Variants in ATP13A4 observed in about 807,000 individuals in gnomAD.
ATP13A4 encodes the protein probable cation-transporting ATPase 13A4.
ATP13A4 carries 114 observed loss-of-function variants against 142.5 expected under a neutral mutation model. The observed-to-expected ratio is 0.80, with a 90% CI of 0.69 to 0.93. ATP13A4 has a LOEUF of 0.93. Among genes scored for constraint, ATP13A4 ranks in the 40% least tolerant of loss-of-function variants. The pLI is 0.00. For synonymous variants in ATP13A4, 488 were observed against 514.8 expected, an observed-to-expected ratio of 0.95 and a Z score of 0.70; for missense variants, 1,392 against 1,454.0, an observed-to-expected ratio of 0.96 and a Z score of 0.69.
In ATP13A4 at chr3:193,500,289, C is replaced by A. The variant is rs367979102; in HGVS notation, c.381+2204G>T. Among the ~76,000 whole-genome samples the A allele has an allele frequency of 8.5e-5, 13 of 152,192 alleles. No individual in the cohort carries two copies. In the South Asian group the frequency reaches 2.5e-3, roughly 29 times the overall value. On this transcript the variant is annotated intron_variant, in intron 3 of 29. Coordinates refer to ENST00000342695, the MANE Select transcript of ATP13A4 (RefSeq NM_032279.4). ...TTCTTGTTAGAACATGTTATAAGAG[C>A]ATCCTGTTTAACAAGTTAAGCACTG...
chr3:193,537,974 G>A (rs899224743), intron 1 of ATP13A4, among the ~76,000 whole-genome samples: 2 of 152,158 alleles, frequency 1.3e-5, no homozygotes, highest in Non-Finnish European at 2.9e-5. Flanking sequence ...GGAAAGAGAT[G>A]TAGCTATAAA....
At chr3:193,579,387 G>T in intron 2 of ATP13A4, 1 of 217,530 alleles carries the variant, frequency 4.6e-6, no homozygotes, top group Admixed American at 4.7e-5. Context: ...TGGTGACAAT[G>T]TTGATATGAG....
chr3:193,414,811 G>A (rs1005253728), intron 25 of ATP13A4, 61 bp from the exon 26 acceptor site: 1 of 1,533,424 alleles, frequency 6.5e-7, no homozygotes, highest in Admixed American at 1.7e-5. Context: ...TTGATCAGAA[G>A]AATGGCATAA....
chr3:193,477,725 T>A (rs937090054), intron 8 of ATP13A4, among the ~76,000 whole-genome samples: 1 of 151,964 alleles, frequency 6.6e-6, no homozygotes, highest in Admixed American at 6.6e-5. Flanking sequence ...ACTACTGAGT[T>A]CAGAACACAA....
At chr3:193,584,795 T>C (rs1227249551) in intron 1 of ATP13A4, among the ~76,000 whole-genome samples, 3 of 152,220 alleles carry the variant, frequency 2.0e-5, no homozygotes. Context: ...CCTCCTCATG[T>C]AATCATTCTT....
intron 2 of ATP13A4, among the ~76,000 whole-genome samples, chr3:193,573,301 A>ATG (rs1560287358): frequency 1.6e-4 from 13 of 78,968 alleles, no homozygotes; most frequent in African/African-American, 5.9e-4. Flanking sequence ...ACATATATAT[A>ATG]TATATACATA....
chr3:193,561,824 C>G (rs1019281317), intron 2 of ATP13A4, among the ~76,000 whole-genome samples: 1 of 152,244 alleles, frequency 6.6e-6, no homozygotes, highest in African/African-American at 2.4e-5. Flanking sequence ...AATCTAATCT[C>G]TGTCCCAATG....
At chr3:193,546,969 A>G (rs1051165918) in intron 1 of ATP13A4, among the ~76,000 whole-genome samples, 5 of 152,204 alleles carry the variant, frequency 3.3e-5, no homozygotes, top group Non-Finnish European at 4.4e-5. Context: ...TACTATTGCC[A>G]TCCCTACTCT....
chr3:193,510,701 C>T (rs1262591455), intron 2 of ATP13A4, among the ~76,000 whole-genome samples: 1 of 152,044 alleles, frequency 6.6e-6, no homozygotes. Context: ...GTACTGTAGA[C>T]TTTCAGTCAG....
chr3:193,458,993 T>A, intron 14 of ATP13A4, 88 bp downstream of exon 14: 1 of 1,575,332 alleles, frequency 6.3e-7, no homozygotes, highest in Non-Finnish European at 8.7e-7. Flanking sequence ...AAACCTCACC[T>A]TTTATAAGAA....
At chr3:193,562,915 A>T (rs1724050093) in intron 2 of ATP13A4, among the ~76,000 whole-genome samples, 2 of 152,108 alleles carry the variant, frequency 1.3e-5, no homozygotes, top group African/African-American at 4.8e-5. Context: ...TGGTTGTATT[A>T]TGGCTCTATC....
At chr3:193,413,861 G>A (rs1445101367) in intron 26 of ATP13A4, among the ~76,000 whole-genome samples, 2 of 152,238 alleles carry the variant, frequency 1.3e-5, no homozygotes, top group African/African-American at 4.8e-5. Context: ...CCTTTGCCTT[G>A]TGATCTTTGC....
At chr3:193,442,628 C>A in intron 18 of ATP13A4, 72 bp from the exon 19 acceptor site, 1 of 1,457,642 alleles carries the variant, frequency 6.9e-7, no homozygotes, top group East Asian at 2.3e-5. Context: ...CCTTGAAAAC[C>A]AGAGCAGGGA....
intron 7 of ATP13A4, among the ~76,000 whole-genome samples, chr3:193,485,082 A>G (rs913995004): frequency 1.1e-4 from 16 of 152,132 alleles, no homozygotes; most frequent in African/African-American, 3.6e-4. Flanking sequence ...AAAAAAGACT[A>G]TGTTTCAGGA....
intron 20 of ATP13A4, 25 bp from the exon 21 acceptor site, chr3:193,440,662 T>G: frequency 6.2e-7 from 1 of 1,611,094 alleles, no homozygotes; most frequent in Non-Finnish European, 8.5e-7. Flanking sequence ...AAATGGAGAT[T>G]TTTTTATCAA....
chr3:193,543,307 C>T (rs1471153053), intron 1 of ATP13A4, among the ~76,000 whole-genome samples: 1 of 152,162 alleles, frequency 6.6e-6, no homozygotes, highest in East Asian at 1.9e-4. Context: ...AGCTAAAGAG[C>T]TTCTGCACAA....
Position 193,524,939 on chromosome 3 carries a change from T to C in ATP13A4, c.61-10068A>G, listed in dbSNP as rs529231065. ...TACCCAGTCAGTCTCTAGCACATCA[T>C]CCTATTTTAGGTCTCTATGAGCCTT... On this transcript the variant is annotated intron_variant, in intron 1 of 29. Coordinates refer to ENST00000342695, the MANE Select transcript of ATP13A4 (RefSeq NM_032279.4). Among the ~76,000 whole-genome samples the C allele has an allele frequency of 2.0e-5, 3 of 152,288 alleles. No individual in the cohort carries two copies. The East Asian group carries it at 5.8e-4, about 29-fold the overall frequency.
At chr3:193,521,291 A>G (rs1162919345) in intron 1 of ATP13A4, among the ~76,000 whole-genome samples, 1 of 152,224 alleles carries the variant, frequency 6.6e-6, no homozygotes, top group Non-Finnish European at 1.5e-5. Flanking sequence ...GTTTCAAATG[A>G]TGAAGATCTC....
intron 29 of ATP13A4, chr3:193,403,613 C>T: frequency 2.6e-6 from 1 of 382,562 alleles, no homozygotes; most frequent in Non-Finnish European, 3.6e-6. Context: ...CACTGAAATA[C>T]AGTATTAAGA....
Sources: gnomAD v4.1 joint callset for allele counts (sites outside exome capture counted in the v4.1 genomes callset) on GRCh38, gnomAD v4.1.1 for gene constraint, MANE v1.5 for transcripts, NCBI Gene and HGNC (gene_info 2026-07-23, HGNC 2026-07-21) for gene names.